NCOA2: variants seen among roughly 807,000 people sequenced by gnomAD.
NCOA2 encodes the protein nuclear receptor coactivator 2.
In NCOA2, 21 loss-of-function variants were observed where a neutral mutation model predicts 145.1. That is an observed-to-expected ratio of 0.14 (90% confidence interval 0.10 to 0.21). NCOA2 has a LOEUF of 0.21. NCOA2 is among the 10% of genes least tolerant of loss of function. The pLI is 1.00. For missense variants in NCOA2, 1,472 were observed against 1,837.6 expected, an observed-to-expected ratio of 0.80 and a Z score of 3.64; for synonymous variants, 619 against 637.5, an observed-to-expected ratio of 0.97 and a Z score of 0.44.
the NCOA2 span, among the ~76,000 whole-genome samples, chr8:70,429,981 C>T: frequency 1.3e-5 from 2 of 152,062 alleles, no homozygotes; most frequent in Non-Finnish European, 2.9e-5. Context: ...GCCTTCCGAG[C>T]AGCAGGGATT....
At chr8:70,258,447 G>T (rs905791252) in intron 2 of NCOA2, among the ~76,000 whole-genome samples, 10 of 152,268 alleles carry the variant, frequency 6.6e-5, no homozygotes, top group Non-Finnish European at 1.5e-4. Context: ...TTCTGAGGAA[G>T]TTTTTCTTTA....
rs1365071088 is a variant in NCOA2, at chr8:70,362,485, C to T, written c.-77+41215G>A. ...CTCAATTAAAAAAAGGTTTTTTTAA[C>T]GTGCAAAAGATTTTAGCAGACTCTT... On this transcript the variant is annotated intron_variant, in intron 1 of 22. Coordinates refer to ENST00000452400, the MANE Select transcript of NCOA2 (RefSeq NM_006540.4). Among the ~76,000 whole-genome samples, 7 of 152,078 alleles carry T rather than the reference C, an allele frequency of 4.6e-5. No individual in the cohort carries two copies. The East Asian group carries it at 5.8e-4, about 13-fold the overall frequency.
At chr8:70,373,456 A>G (rs1391241038) in intron 1 of NCOA2, among the ~76,000 whole-genome samples, 2 of 152,180 alleles carry the variant, frequency 1.3e-5, no homozygotes, top group Admixed American at 6.5e-5. Flanking sequence ...TAGATAAAAG[A>G]CTTTTGTGTT....
Position 70,131,854 on chromosome 8 carries a change from G to A in NCOA2, c.3307C>T (p.Pro1103Ser). ...GCGCATACCTGGCTGACCAGTTCGG[G>A]TATTCCTAAGGCTCTATCAATCTCC... ...LEEIDRALGI[P>S]ELVSQSQAVD... Residue 1103 changes from proline (P) to serine (S), a missense_variant, in exon 16 of 23, where the codon CCC becomes TCC. Transcript: ENST00000452400. 1 of 1,594,524 alleles carries A rather than the reference G, an allele frequency of 6.3e-7. No individual in the cohort carries two copies. Among genetic ancestry groups the A allele is most frequent in the Non-Finnish European group, 8.5e-7 (1 of 1,170,890 alleles).
At chr8:70,341,317 T>C (rs902236741) in intron 1 of NCOA2, among the ~76,000 whole-genome samples, 15 of 151,804 alleles carry the variant, frequency 9.9e-5, no homozygotes, top group Non-Finnish European at 1.5e-4. Context: ...AGCCCAGGAG[T>C]TTGAGGTTAG....
intron 2 of NCOA2, among the ~76,000 whole-genome samples, chr8:70,239,110 T>G (rs1821902206): frequency 6.6e-6 from 1 of 152,174 alleles, no homozygotes; most frequent in South Asian, 2.1e-4. Context: ...ATAACATTTC[T>G]AATCAACTTT....
chr8:70,213,834 AG>A (rs1819307600), intron 4 of NCOA2, 68 bp downstream of exon 4: 4 of 1,302,336 alleles, frequency 3.1e-6, no homozygotes, highest in South Asian at 1.4e-5. Flanking sequence ...GGGACTCTGA[AG>A]GGACTTCTCA....
intron 1 of NCOA2, among the ~76,000 whole-genome samples, chr8:70,365,374 A>C (rs1389176422): frequency 6.6e-6 from 1 of 152,196 alleles, no homozygotes; most frequent in Non-Finnish European, 1.5e-5. Flanking sequence ...ACAAACAAAA[A>C]AAACAGGTAT....
At chr8:70,340,173 C>T (rs192883121) in intron 1 of NCOA2, among the ~76,000 whole-genome samples, 110 of 151,982 alleles carry the variant, frequency 7.2e-4, no homozygotes, top group African/African-American at 2.6e-3. Context: ...ATGGGAGAAA[C>T]ATTTGGTAAT....
intron 1 of NCOA2, among the ~76,000 whole-genome samples, chr8:70,320,518 G>C (rs147915529): frequency 6.6e-6 from 1 of 152,116 alleles, no homozygotes. Flanking sequence ...GAAAAAGATA[G>C]TAATTTTTGT....
chr8:70,340,453 A>C (rs1180785227), intron 1 of NCOA2, among the ~76,000 whole-genome samples: 1 of 152,182 alleles, frequency 6.6e-6, no homozygotes, highest in Non-Finnish European at 1.5e-5. Flanking sequence ...AGCAAATGCT[A>C]GCGAGGTTGC....
At chr8:70,398,541 T>G (rs951655853) in intron 1 of NCOA2, among the ~76,000 whole-genome samples, 6 of 152,228 alleles carry the variant, frequency 3.9e-5, no homozygotes, top group Non-Finnish European at 8.8e-5. Context: ...AATTCGGAAC[T>G]GGCTGCCTAC....
In NCOA2 at chr8:70,166,585, G is replaced by A. The variant is rs1213483959; in HGVS notation, c.711C>T (p.Ser237=). 1.2e-6 allele frequency: 2 copies of A among 1,613,874 alleles called. No homozygotes were observed. The highest frequency in any genetic ancestry group is 1.3e-5 in the African/African-American group (1 of 74,926). Residue 237 remains serine (S), a synonymous_variant, in exon 7 of 23, where the codon TCC becomes TCT. Transcript: ENST00000452400. Reference sequence around the variant, plus strand: ...TCCCACCTTCTCCTTCTTCTTTGATGGACTTTGGTTGAGAGACAGCGAAGC... The same window carrying A: ...TCCCACCTTCTCCTTCTTCTTTGATAGACTTTGGTTGAGAGACAGCGAAGC... The part of the protein sequence containing the change: ...MQCFAVSQPK[S]IKEEGEDLQS...
At chr8:70,386,034 T>C (rs1412729972) in intron 1 of NCOA2, among the ~76,000 whole-genome samples, 1 of 152,236 alleles carries the variant, frequency 6.6e-6, no homozygotes, top group African/African-American at 2.4e-5. Context: ...TGCAGACTGA[T>C]GGACAGTCTT....
intron 15 of NCOA2, among the ~76,000 whole-genome samples, chr8:70,134,045 G>C (rs957654014): frequency 6.6e-6 from 1 of 151,886 alleles, no homozygotes; most frequent in African/African-American, 2.4e-5. Flanking sequence ...TCCCACTCCC[G>C]CCCCTTTCTG....
chr8:70,166,828 G>T (rs756329753), intron 6 of NCOA2, 74 bp from the exon 7 acceptor site: 8 of 1,327,566 alleles, frequency 6.0e-6, no homozygotes, highest in Admixed American at 4.3e-5. Flanking sequence ...TTATTAAAAT[G>T]ATGTAGGAAA....
At chr8:70,270,864 G>C (rs1413146061) in intron 2 of NCOA2, among the ~76,000 whole-genome samples, 1 of 152,102 alleles carries the variant, frequency 6.6e-6, no homozygotes, top group Non-Finnish European at 1.5e-5. Flanking sequence ...TGTTTGCATA[G>C]TTATTTTAAA....
At chr8:70,357,851 T>C (rs1256364420) in intron 1 of NCOA2, among the ~76,000 whole-genome samples, 1 of 151,770 alleles carries the variant, frequency 6.6e-6, no homozygotes, top group Non-Finnish European at 1.5e-5. Flanking sequence ...AGGAGTTCAA[T>C]ACCAGCCTGG....
Position 70,166,710 on chromosome 8 carries a change from G to A in NCOA2, c.586C>T (p.His196Tyr). Residue 196 changes from histidine to tyrosine, a missense_variant, in exon 7 of 23, where the codon CAT becomes TAT. This residue lies in a region of NCOA2 where 284 missense variants were observed against 467.8 expected (regional missense o/e 0.61). Transcript: ENST00000452400. The stretch of plus-strand genomic sequence containing the variant: ...ACCAGCATCCGACAATTGAAGGTAT[G>A]GCTGTTCCGCCTCGGAGGTTCGCCA... ...WSGEPPRRNS[H>Y]TFNCRMLVKP... 6.2e-7 allele frequency: 1 copy of A among 1,613,964 alleles called. No homozygotes were observed. Among genetic ancestry groups the A allele is most frequent in the South Asian group, 1.1e-5 (1 of 91,078 alleles).
Sources: gnomAD v4.1 joint callset for allele counts (sites outside exome capture counted in the v4.1 genomes callset) on GRCh38, gnomAD v4.1.1 for gene constraint, gnomAD v4.1.1 regional missense constraint, MANE v1.5 for transcripts, NCBI Gene and HGNC (gene_info 2026-07-23, HGNC 2026-07-21) for gene names.